The following EIPR1 variants were observed in gnomAD, a reference collection of about 807,000 sequenced individuals.
EIPR1 encodes EARP complex and GARP complex interacting protein 1.
EIPR1 carries 25 observed loss-of-function variants against 48.1 expected under a neutral mutation model. The ratio of observed to expected loss-of-function variants is 0.52; its 90% CI spans 0.38 to 0.73. The LOEUF is 0.73. EIPR1 is among the 30% of genes least tolerant of loss of function. The pLI is 0.00. For synonymous variants in EIPR1, 204 were observed against 201.9 expected (o/e 1.01, Z -0.09); for missense variants, 415 against 506.2 (o/e 0.82, Z 1.73).
chr2:3,262,593 C>T (rs571035793), intron 3 of EIPR1, among the ~76,000 whole-genome samples: 1 of 152,296 alleles, frequency 6.6e-6, no homozygotes, highest in South Asian at 2.1e-4. Flanking sequence ...GAGAGGCAGC[C>T]CTGCTTCTGG....
chr2:3,311,101 G>A (rs58587734), intron 3 of EIPR1, among the ~76,000 whole-genome samples: 1 of 152,098 alleles, frequency 6.6e-6, no homozygotes, highest in Admixed American at 6.6e-5. Flanking sequence ...ATAGCTTGAA[G>A]AGTGCTTTGA....
At chr2:3,260,840 T>C (rs529867770) in intron 3 of EIPR1, among the ~76,000 whole-genome samples, 1 of 151,976 alleles carries the variant, frequency 6.6e-6, no homozygotes, top group East Asian at 1.9e-4. Context: ...CTTACTAGAG[T>C]GGTGAAATTT....
At chr2:3,298,702 T>C (rs530001079) in intron 3 of EIPR1, among the ~76,000 whole-genome samples, 159 of 151,814 alleles carry the variant, frequency 1.0e-3, no homozygotes, top group Non-Finnish European at 1.9e-3. Flanking sequence ...CACACAAGGA[T>C]TGACAGCAGC....
At chr2:3,204,689 A>C (rs1187771729) in intron 5 of EIPR1, among the ~76,000 whole-genome samples, 1 of 152,224 alleles carries the variant, frequency 6.6e-6, no homozygotes, top group African/African-American at 2.4e-5. Flanking sequence ...TTAGCAGTTC[A>C]TGTGGAGCAT....
intron 4 of EIPR1, among the ~76,000 whole-genome samples, chr2:3,224,678 G>A (rs756981271): frequency 7.9e-5 from 12 of 152,162 alleles, no homozygotes; most frequent in African/African-American, 1.9e-4. Flanking sequence ...CCCACCACAC[G>A]CAGTCCTTCA....
intron 3 of EIPR1, among the ~76,000 whole-genome samples, chr2:3,298,974 T>C (rs1668681399): frequency 6.6e-6 from 1 of 152,120 alleles, no homozygotes. Context: ...CTCAGATCTT[T>C]GCCCTGGGAT....
chr2:3,215,876 T>C (rs1332553686), intron 4 of EIPR1, among the ~76,000 whole-genome samples: 1 of 152,248 alleles, frequency 6.6e-6, no homozygotes, highest in Non-Finnish European at 1.5e-5. Flanking sequence ...CTCATAGTAC[T>C]GTGATCAAAG....
intron 3 of EIPR1, among the ~76,000 whole-genome samples, chr2:3,269,625 G>GCACTCAATCATCA (rs1200720064): frequency 4.1e-5 from 5 of 121,162 alleles, no homozygotes; most frequent in East Asian, 2.5e-4. Flanking sequence ...CACAATCATC[G>GCACTCAATCATCA]CACTCAATCA....
chr2:3,210,440 G>A (rs1299951484), intron 5 of EIPR1, among the ~76,000 whole-genome samples: 1 of 152,034 alleles, frequency 6.6e-6, no homozygotes, highest in Non-Finnish European at 1.5e-5. Flanking sequence ...TTGCCACAGA[G>A]GACAATGGAC....
rs1412805750 is a variant in EIPR1, at chr2:3,303,538, C to T, written c.259+34479G>A. 4.6e-5 allele frequency among the ~76,000 whole-genome samples: 7 copies of T among 152,258 alleles called. No homozygotes were observed. In the East Asian group the frequency reaches 1.2e-3, roughly 25 times the overall value. ...CGCTGCCACGTCTGAATCAGTCTCA[C>T]CCAAATGCTCAGGCCAGCAGAGTCG... is the stretch of plus-strand genomic sequence containing the variant. On this transcript the variant is annotated intron_variant, in intron 3 of 8. Coordinates refer to ENST00000382125, the MANE Select transcript of EIPR1 (RefSeq NM_003310.5).
intron 3 of EIPR1, among the ~76,000 whole-genome samples, chr2:3,292,453 T>A (rs376529224): frequency 3.4e-4 from 51 of 152,152 alleles, no homozygotes; most frequent in African/African-American, 1.2e-3. Flanking sequence ...CTCACCATGC[T>A]GTTGCGGGGA....
chr2:3,266,440 C>T (rs1236235088), intron 3 of EIPR1, among the ~76,000 whole-genome samples: 1 of 152,212 alleles, frequency 6.6e-6, no homozygotes, highest in Non-Finnish European at 1.5e-5. Flanking sequence ...ATACCTTCCT[C>T]GATGGCCTTT....
At chr2:3,353,768 G>A (rs141092878) in intron 2 of EIPR1, among the ~76,000 whole-genome samples, 34 of 152,068 alleles carry the variant, frequency 2.2e-4, no homozygotes, top group African/African-American at 5.1e-4. Context: ...AATCTTTATC[G>A]ACATACGAGA....
intron 1 of EIPR1, among the ~76,000 whole-genome samples, chr2:3,367,753 AAACTT>A (rs553964232): frequency 7.3e-4 from 111 of 152,354 alleles, no homozygotes; most frequent in African/African-American, 2.6e-3. Flanking sequence ...AGGCATTTGA[AAACTT>A]AATCTCTCGG....
At chr2:3,230,196 T>G (rs1666198612) in intron 4 of EIPR1, among the ~76,000 whole-genome samples, 1 of 152,222 alleles carries the variant, frequency 6.6e-6, no homozygotes, top group Non-Finnish European at 1.5e-5. Context: ...ATTTCTTTCT[T>G]GGATAGCTCA....
At chr2:3,338,677 A>G (rs2103352467) in intron 2 of EIPR1, among the ~76,000 whole-genome samples, 1 of 152,364 alleles carries the variant, frequency 6.6e-6, no homozygotes, top group East Asian at 1.9e-4. Context: ...AAAGGGCTGT[A>G]TATTCACACA....
chr2:3,291,102 T>G (rs979472650), intron 3 of EIPR1, among the ~76,000 whole-genome samples: 1 of 152,098 alleles, frequency 6.6e-6, no homozygotes, highest in Non-Finnish European at 1.5e-5. Context: ...GGAACATGCC[T>G]CAGATGCGAG....
chr2:3,222,820 T>G (rs1044081075), intron 4 of EIPR1, among the ~76,000 whole-genome samples: 4 of 152,200 alleles, frequency 2.6e-5, no homozygotes, highest in African/African-American at 9.6e-5. Flanking sequence ...GATATCATCT[T>G]GCTAGGAGTC....
chr2:3,313,132 T>G (rs936991600), intron 3 of EIPR1, among the ~76,000 whole-genome samples: 13 of 152,138 alleles, frequency 8.5e-5, no homozygotes, highest in Non-Finnish European at 1.8e-4. Context: ...GAGTCCACAG[T>G]GCCAAAGCTG....
Sources: gnomAD v4.1 joint callset for allele counts (sites outside exome capture counted in the v4.1 genomes callset) on GRCh38, gnomAD v4.1.1 for gene constraint, MANE v1.5 for transcripts, NCBI Gene and HGNC (gene_info 2026-07-23, HGNC 2026-07-21) for gene names.